The following MRTFA variants were observed in gnomAD, a reference collection of about 807,000 sequenced individuals.
The protein encoded by MRTFA is myocardin-related transcription factor A.
In MRTFA, 20 loss-of-function variants were observed where a neutral mutation model predicts 83.5. The ratio of observed to expected loss-of-function variants is 0.24; its 90% CI spans 0.17 to 0.35. MRTFA has a LOEUF of 0.35. MRTFA is among the 10% of genes least tolerant of loss of function. The probability of loss-of-function intolerance (pLI) is 1.00; values close to 1 mark genes in which losing one functional copy is unlikely to be tolerated. For synonymous variants in MRTFA, 659 were observed against 541.2 expected, an observed-to-expected ratio of 1.22 and a Z score of -3.02; for missense variants, 1,200 against 1,224.7, an observed-to-expected ratio of 0.98 and a Z score of 0.30.
chr22:40,628,459 A>G (rs1012442501), intron 1 of MRTFA, among the ~76,000 whole-genome samples: 6 of 152,212 alleles, frequency 3.9e-5, no homozygotes, highest in African/African-American at 1.4e-4. Context: ...ATAATTTTAG[A>G]GGACAAAGAC....
At position 40,528,171 on chromosome 22, in the gene MRTFA, G is replaced by A. The variant is rs188780820; in HGVS notation, c.241+23935C>T. Among the ~76,000 whole-genome samples the A allele has an allele frequency of 3.3e-4, 51 of 152,248 alleles. No homozygotes were observed. The East Asian group carries it at 7.9e-3, about 24-fold the overall frequency. On this transcript the variant is annotated intron_variant, in intron 3 of 14. Transcript: ENST00000355630. ...CCACTGGAGAATTATGAGGCCTGTC[G>A]CATTCTGACTCCACTTCCCAGCGGG...
intron 4 of MRTFA, among the ~76,000 whole-genome samples, chr22:40,446,113 A>G (rs1206621325): frequency 1.3e-5 from 2 of 152,210 alleles, no homozygotes; most frequent in Non-Finnish European, 2.9e-5. Flanking sequence ...GATGGTGCTA[A>G]AAGTTTGAAA....
intron 4 of MRTFA, among the ~76,000 whole-genome samples, chr22:40,461,341 T>C (rs1191911390): frequency 5.3e-5 from 8 of 151,502 alleles, no homozygotes; most frequent in Non-Finnish European, 8.8e-5. Flanking sequence ...AAGCCTTCAA[T>C]GGCTTCCCAT....
At chr22:40,623,799 CTATCT>C (rs1485746463) in intron 1 of MRTFA, among the ~76,000 whole-genome samples, 1 of 152,210 alleles carries the variant, frequency 6.6e-6, no homozygotes, top group African/African-American at 2.4e-5. Flanking sequence ...CCTCTCACAA[CTATCT>C]TATAAGTACA....
At chr22:40,575,078 C>T (rs1602450303) in intron 2 of MRTFA, among the ~76,000 whole-genome samples, 1 of 152,170 alleles carries the variant, frequency 6.6e-6, no homozygotes. Context: ...GTTCAAATTC[C>T]AGAACTGCCA....
intron 3 of MRTFA, among the ~76,000 whole-genome samples, chr22:40,513,906 G>C (rs1420516175): frequency 6.6e-6 from 1 of 151,968 alleles, no homozygotes; most frequent in Non-Finnish European, 1.5e-5. Context: ...AGACCAGCCT[G>C]GGCAACATAG....
In MRTFA at chr22:40,459,782, T is replaced by TATACACACACACAC. The variant is rs1261144482; in HGVS notation, c.307+3438_307+3439insGTGTGTGTGTGTAT. ...CACTGGGGACGGGACTGATAAAATA[T>TATACACACACACAC]ACACACACACACACACACACACACA... On this transcript the variant is annotated intron_variant, in intron 4 of 14. Transcript: ENST00000355630. Among the ~76,000 whole-genome samples, 284 of 88,914 alleles carry TATACACACACACAC rather than the reference T, an allele frequency of 3.2e-3. 6 individuals are homozygous for TATACACACACACAC. Among genetic ancestry groups the TATACACACACACAC allele is most frequent in the Middle Eastern group, 0.026 (4 of 154 alleles). The allele number at this position is 88,914 out of a possible 152,430, so 58.3% of individuals were successfully genotyped here.
chr22:40,493,968 A>G (rs1475353339), intron 3 of MRTFA, among the ~76,000 whole-genome samples: 1 of 152,218 alleles, frequency 6.6e-6, no homozygotes, highest in Non-Finnish European at 1.5e-5. Flanking sequence ...AGAGTTGCCT[A>G]GCTAACAACT....
At chr22:40,599,590 A>G (rs907442793) in intron 1 of MRTFA, among the ~76,000 whole-genome samples, 1 of 152,156 alleles carries the variant, frequency 6.6e-6, no homozygotes, top group Non-Finnish European at 1.5e-5. Flanking sequence ...TTAGGGGAAG[A>G]GAATGCAAAG....
chr22:40,574,568 G>A (rs1222671129), intron 2 of MRTFA, among the ~76,000 whole-genome samples: 2 of 151,798 alleles, frequency 1.3e-5, no homozygotes, highest in Non-Finnish European at 2.9e-5. Flanking sequence ...CTGAGTAGCT[G>A]GGAGTACAGG....
intron 1 of MRTFA, among the ~76,000 whole-genome samples, chr22:40,631,580 T>C (rs2056642476): frequency 6.6e-6 from 1 of 152,202 alleles, no homozygotes; most frequent in Non-Finnish European, 1.5e-5. Flanking sequence ...TTATGCTGTG[T>C]AACTGCTCAT....
intron 3 of MRTFA, among the ~76,000 whole-genome samples, chr22:40,480,743 C>CTTTTT (rs758150714): frequency 4.7e-4 from 44 of 93,518 alleles, no homozygotes; most frequent in African/African-American, 8.1e-4. Flanking sequence ...GAGTTCAAGA[C>CTTTTT]TTTTTTTTTT....
intron 2 of MRTFA, among the ~76,000 whole-genome samples, chr22:40,583,905 G>A (rs969242676): frequency 6.6e-6 from 1 of 152,184 alleles, no homozygotes; most frequent in African/African-American, 2.4e-5. Context: ...GCACAGAGCA[G>A]TTCACAGAAA....
At chr22:40,598,329 T>A (rs955815262) in intron 1 of MRTFA, among the ~76,000 whole-genome samples, 1 of 152,184 alleles carries the variant, frequency 6.6e-6, no homozygotes, top group Admixed American at 6.5e-5. Flanking sequence ...TCATTTTATA[T>A]TGAAATGAAT....
rs118014095 is a variant in MRTFA, at chr22:40,523,156, C to T, written c.241+28950G>A. 5.4e-3 allele frequency among the ~76,000 whole-genome samples: 809 copies of T among 150,848 alleles called. 6 individuals carry two copies. Among genetic ancestry groups the T allele is most frequent in the Non-Finnish European group, 8.0e-3 (540 of 67,798 alleles). On this transcript the variant is annotated intron_variant, in intron 3 of 14. Coordinates refer to ENST00000355630, the MANE Select transcript of MRTFA (RefSeq NM_020831.6). Reference sequence around the variant, plus strand: ...AAAAAAAAAGTTGTCAAATTGTGAACGTTTATCTAACACAGAGAACTATAC... The same window carrying T: ...AAAAAAAAAGTTGTCAAATTGTGAATGTTTATCTAACACAGAGAACTATAC...
intron 2 of MRTFA, among the ~76,000 whole-genome samples, chr22:40,565,214 A>C (rs1212989336): frequency 6.6e-6 from 1 of 152,218 alleles, no homozygotes; most frequent in Non-Finnish European, 1.5e-5. Flanking sequence ...TTAACTAAAC[A>C]ACATAAATTG....
In MRTFA at chr22:40,636,645, C is replaced by T. The variant is rs539869023; in HGVS notation, c.-251G>A. ...AACCAAGAGGGTGGGAAAGATGGGA[C>T]CGTCGCTCTCGCCGCCGCGGCCACC... On this transcript the variant is annotated 5_prime_UTR_variant, in exon 1 of 15. Coordinates refer to ENST00000355630, the MANE Select transcript of MRTFA (RefSeq NM_020831.6). 6.6e-6 allele frequency: 1 copy of T among 152,352 alleles called. No individual in the cohort carries two copies. The highest frequency in any genetic ancestry group is 2.4e-5 in the African/African-American group (1 of 41,470). 9.4% of individuals were successfully genotyped at this position (152,352 alleles called of 1,614,324 possible).
intron 3 of MRTFA, among the ~76,000 whole-genome samples, chr22:40,492,666 C>T (rs1388328728): frequency 6.6e-6 from 1 of 152,138 alleles, no homozygotes; most frequent in African/African-American, 2.4e-5. Context: ...GAACAAGGAG[C>T]TATAACACAA....
At chr22:40,463,364 A>G in intron 3 of MRTFA, 78 bp from the exon 4 acceptor site, 1 of 1,223,522 alleles carries the variant, frequency 8.2e-7, no homozygotes, top group Non-Finnish European at 1.2e-6. Context: ...TTCAAACGCA[A>G]AAAAAGTCTA....
Sources: allele counts gnomAD v4.1 joint callset (sites outside exome capture counted in the v4.1 genomes callset), GRCh38; gene constraint gnomAD v4.1.1; transcripts MANE v1.5; gene names NCBI Gene and HGNC (gene_info 2026-07-23, HGNC 2026-07-21).